Variants in SLC39A8 observed in about 807,000 individuals in gnomAD.
SLC39A8 encodes the protein solute carrier family 39 member 8.
Under a neutral mutation model 40.4 loss-of-function variants are expected in SLC39A8, and 15 were observed. The observed-to-expected ratio is 0.37, with a 90% CI of 0.25 to 0.57. SLC39A8 has a LOEUF of 0.57. SLC39A8 is among the 20% of genes least tolerant of loss of function. SLC39A8 has a pLI of 0.75. For missense variants in SLC39A8, 472 were observed against 558.8 expected, an observed-to-expected ratio of 0.84 and a Z score of 1.57; for synonymous variants, 223 against 221.6, an observed-to-expected ratio of 1.01 and a Z score of -0.06.
chr4:102,271,698 G>A (rs1455355786), intron 6 of SLC39A8, among the ~76,000 whole-genome samples: 2 of 152,182 alleles, frequency 1.3e-5, no homozygotes, highest in Non-Finnish European at 2.9e-5. Context: ...TACAATATAT[G>A]TCTTCCCTGC....
intron 6 of SLC39A8, among the ~76,000 whole-genome samples, 187 bp downstream of exon 6, chr4:102,304,130 T>G (rs1315562078): frequency 6.6e-6 from 1 of 151,922 alleles, no homozygotes; most frequent in African/African-American, 2.4e-5. Context: ...TTAACTCACT[T>G]GTTTAGAGTA....
rs371900019 is a variant in SLC39A8, at chr4:102,345,476, G to A, written c.-385C>T. 1 of 152,538 alleles carries A rather than the reference G, an allele frequency of 6.6e-6. No individual in the cohort carries two copies. The highest frequency in any genetic ancestry group is 2.4e-5 in the African/African-American group (1 of 41,578). The allele number at this position is 152,538 out of a possible 1,614,324, so 9.4% of individuals were successfully genotyped here. A position where few individuals can be genotyped will look rare whatever the true frequency, so the allele number is the denominator to read the frequency against. On this transcript the variant is annotated 5_prime_UTR_variant, in exon 1 of 9. Transcript: ENST00000356736. ...TCTGTATCTCTGACAGGTCCGCGGT[G>A]AAACTCCGCGATCCGCTCCGGCGCT...
intron 4 of SLC39A8, among the ~76,000 whole-genome samples, chr4:102,307,096 AAAATAAAT>A (rs138932687): frequency 2.6e-4 from 40 of 151,872 alleles, no homozygotes; most frequent in African/African-American, 7.7e-4. Context: ...GCTCTTTAGA[AAAATAAAT>A]AAATAAATAA....
intron 2 of SLC39A8, among the ~76,000 whole-genome samples, chr4:102,334,697 T>C (rs1289224387): frequency 6.6e-6 from 1 of 152,196 alleles, no homozygotes; most frequent in Admixed American, 6.5e-5. Context: ...CTTGGCTTTT[T>C]GGAAAATAAG....
intron 2 of SLC39A8, among the ~76,000 whole-genome samples, chr4:102,326,395 A>G (rs939654450): frequency 1.3e-4 from 20 of 152,122 alleles, no homozygotes; most frequent in Admixed American, 3.3e-4. Context: ...CCCCGTCTCT[A>G]CTAAAACTAC....
chr4:102,327,298 C>G (rs1234458201), intron 2 of SLC39A8, among the ~76,000 whole-genome samples: 1 of 152,116 alleles, frequency 6.6e-6, no homozygotes. Flanking sequence ...AGTCTAAAGT[C>G]CTAACACTTA....
At position 102,305,181 on chromosome 4, in the gene SLC39A8, G is replaced by A. The variant is rs1675597287; in HGVS notation, c.553-70C>T. On this transcript the variant is annotated intron_variant, in intron 4 of 8. Coordinates refer to ENST00000356736, the MANE Select transcript of SLC39A8 (RefSeq NM_001135146.2). ...ACTTGATTTCTGGAAAATAATACCA[G>A]TATGCAATTCTCACCAATGTTCTAA... 4 of 1,464,650 alleles carry A rather than the reference G, an allele frequency of 2.7e-6. No individual in the cohort carries two copies. The East Asian group carries it at 9.4e-5, about 34-fold the overall frequency. 90.7% of individuals were successfully genotyped at this position (1,464,650 alleles called of 1,614,324 possible).
chr4:102,279,807 T>C (rs1199912605), intron 6 of SLC39A8, among the ~76,000 whole-genome samples: 1 of 152,186 alleles, frequency 6.6e-6, no homozygotes, highest in Admixed American at 6.6e-5. Context: ...GGGAATGATA[T>C]GGTAGTTGAT....
intron 6 of SLC39A8, among the ~76,000 whole-genome samples, chr4:102,285,666 T>A (rs1733145982): frequency 2.0e-5 from 3 of 151,938 alleles, no homozygotes; most frequent in African/African-American, 7.2e-5. Context: ...TATGTGTGCA[T>A]GAGCCAGTCT....
Position 102,330,622 on chromosome 4 carries a change from T to C in SLC39A8, c.219+13822A>G, listed in dbSNP as rs1277205635. On this transcript the variant is annotated intron_variant, in intron 2 of 8. Coordinates refer to ENST00000356736, the MANE Select transcript of SLC39A8 (RefSeq NM_001135146.2). Reference sequence around the variant, plus strand: ...ACAGAGGAGCTGGTACCATTCCTTCTGATACTATCCCAAACAGTAGAAAAA... The same window carrying C: ...ACAGAGGAGCTGGTACCATTCCTTCCGATACTATCCCAAACAGTAGAAAAA... Among the ~76,000 whole-genome samples the C allele has an allele frequency of 2.6e-5, 4 of 152,214 alleles. No homozygotes were observed. In the South Asian group the frequency reaches 8.3e-4, roughly 32 times the overall value.
chr4:102,255,615 G>C (rs866715916), intron 11 of SLC39A8, among the ~76,000 whole-genome samples: 5 of 152,268 alleles, frequency 3.3e-5, no homozygotes, highest in South Asian at 2.1e-4. Flanking sequence ...GTGGCAAATG[G>C]GTGAGGTTAA....
At chr4:102,280,497 G>A (rs531908563) in intron 6 of SLC39A8, among the ~76,000 whole-genome samples, 69 of 152,074 alleles carry the variant, frequency 4.5e-4, no homozygotes, top group Non-Finnish European at 8.7e-4. Flanking sequence ...AGAGTTAAAC[G>A]CATTCTGTAA....
In SLC39A8 at chr4:102,344,567, A is replaced by G. The variant is rs1489852014; in HGVS notation, c.96T>C (p.Asp32=). The G allele has an allele frequency of 6.4e-7, 1 of 1,551,662 alleles. No individual in the cohort carries two copies. ...AEGPGLAFSE[D]VLSVFGANLS... is the part of the protein sequence containing the mutation. ...GATTCGCGCCGAACACGCTCAGCAC[A>G]TCCTCGCTGAAGGCTAGCCCTGGCC... Residue 32 remains aspartate (D), a synonymous_variant, in exon 2 of 9, where the codon GAT becomes GAC. Transcript: ENST00000356736.
intron 2 of SLC39A8, among the ~76,000 whole-genome samples, chr4:102,327,583 T>C (rs920850218): frequency 2.6e-5 from 4 of 152,232 alleles, no homozygotes; most frequent in African/African-American, 9.6e-5. Flanking sequence ...TGTTATCTAT[T>C]TGTTTAGCAC....
At chr4:102,274,906 G>A (rs1415801722) in intron 6 of SLC39A8, among the ~76,000 whole-genome samples, 1 of 152,074 alleles carries the variant, frequency 6.6e-6, no homozygotes, top group Non-Finnish European at 1.5e-5. Context: ...AAATGCTGAG[G>A]GATTTTGTCA....
At chr4:102,273,535 C>T (rs1234785314) in intron 6 of SLC39A8, among the ~76,000 whole-genome samples, 2 of 152,212 alleles carry the variant, frequency 1.3e-5, no homozygotes, top group Admixed American at 6.5e-5. Context: ...CCGACTTAAA[C>T]GTTACTGCCT....
Position 102,262,621 on chromosome 4 carries a change from A to C in SLC39A8, c.*423T>G. The stretch of plus-strand genomic sequence containing the variant: ...TGATGTACTTGCTCTTGAAAGCACT[A>C]GAACAAATTAATTGAAATAAAACCT... On this transcript the variant is annotated 3_prime_UTR_variant, in exon 9 of 9. Transcript: ENST00000356736. The C allele has an allele frequency of 1.3e-5, 13 of 986,484 alleles. No individual in the cohort carries two copies. The highest frequency in any genetic ancestry group is 1.6e-5 in the Non-Finnish European group (13 of 830,532). The allele number at this position is 986,484 out of a possible 1,614,324, so 61.1% of individuals were successfully genotyped here. A position where few individuals can be genotyped will look rare whatever the true frequency, so the allele number is the denominator to read the frequency against.
At chr4:102,280,397 A>G (rs779547099) in intron 6 of SLC39A8, among the ~76,000 whole-genome samples, 1 of 152,224 alleles carries the variant, frequency 6.6e-6, no homozygotes, top group Non-Finnish European at 1.5e-5. Context: ...TGCTCATTCC[A>G]CAACACAATA....
chr4:102,290,378 C>T (rs1214788852), intron 6 of SLC39A8, among the ~76,000 whole-genome samples: 1 of 152,068 alleles, frequency 6.6e-6, no homozygotes, highest in Non-Finnish European at 1.5e-5. Flanking sequence ...TGGTCTGGAA[C>T]CAAATTCATC....
Sources: allele counts gnomAD v4.1 joint callset (sites outside exome capture counted in the v4.1 genomes callset), GRCh38; gene constraint gnomAD v4.1.1; transcripts MANE v1.5; gene names NCBI Gene and HGNC (gene_info 2026-07-23, HGNC 2026-07-21).